Variants in ME3 observed in about 807,000 individuals in gnomAD.
ME3 encodes the protein NADP-dependent malic enzyme, mitochondrial.
In ME3, 48 loss-of-function variants were observed where a neutral mutation model predicts 68.9. The ratio of observed to expected loss-of-function variants is 0.70; its 90% CI spans 0.55 to 0.89. The LOEUF (loss-of-function observed/expected upper bound fraction) is 0.89, where lower values mean the gene tolerates loss of function less well. Ranked by LOEUF, ME3 falls within the 40% of genes least tolerant of loss-of-function variation. ME3 has a pLI of 0.00. For missense variants in ME3, 675 were observed against 797.4 expected, an observed-to-expected ratio of 0.85 and a Z score of 1.85; for synonymous variants, 320 against 318.8, an observed-to-expected ratio of 1.00 and a Z score of -0.04.
At chr11:86,545,122 A>AC (rs145471989) in intron 4 of ME3, among the ~76,000 whole-genome samples, 49,797 of 151,406 alleles carry the variant, frequency 0.33, 8,395 homozygotes, top group African/African-American at 0.42. Flanking sequence ...AAAATTCAAC[A>AC]CCCTTCATGC....
At chr11:86,563,762 T>C (rs1490644767) in intron 2 of ME3, among the ~76,000 whole-genome samples, 1 of 152,258 alleles carries the variant, frequency 6.6e-6, no homozygotes, top group East Asian at 1.9e-4. Flanking sequence ...TGGTTATAGG[T>C]GTGTGGCTTT....
intron 5 of ME3, among the ~76,000 whole-genome samples, chr11:86,500,536 T>C (rs979628957): frequency 6.6e-6 from 1 of 152,254 alleles, no homozygotes; most frequent in Admixed American, 6.5e-5. Context: ...GTCAGATTCA[T>C]TGTGTCAAAA....
intron 2 of ME3, among the ~76,000 whole-genome samples, chr11:86,600,854 T>A (rs1455504339): frequency 6.6e-6 from 1 of 151,748 alleles, no homozygotes; most frequent in Admixed American, 6.6e-5. Context: ...GAATGACTAC[T>A]GGGTACACAA....
intron 2 of ME3, among the ~76,000 whole-genome samples, chr11:86,668,559 G>A (rs1409811573): frequency 6.6e-6 from 1 of 152,132 alleles, no homozygotes; most frequent in Non-Finnish European, 1.5e-5. Context: ...TTTACCACAT[G>A]GGGGCTGTCT....
At chr11:86,651,707 C>T (rs1288091534) in intron 2 of ME3, among the ~76,000 whole-genome samples, 1 of 152,262 alleles carries the variant, frequency 6.6e-6, no homozygotes, top group African/African-American at 2.4e-5. Flanking sequence ...TTCAAAGGAA[C>T]ACAGCTCCTC....
intron 2 of ME3, among the ~76,000 whole-genome samples, chr11:86,605,530 G>A (rs1454121890): frequency 1.3e-5 from 2 of 152,148 alleles, no homozygotes; most frequent in Non-Finnish European, 2.9e-5. Flanking sequence ...CAGTCTGTTT[G>A]GACATTAGCT....
intron 2 of ME3, among the ~76,000 whole-genome samples, chr11:86,580,080 C>T (rs1958350585): frequency 6.6e-6 from 1 of 152,162 alleles, no homozygotes; most frequent in Admixed American, 6.5e-5. Context: ...AATATTTTCT[C>T]ATTTCATAAA....
chr11:86,501,286 G>A (rs1462429833), intron 5 of ME3, among the ~76,000 whole-genome samples: 4 of 151,952 alleles, frequency 2.6e-5, no homozygotes, highest in African/African-American at 7.3e-5. Flanking sequence ...TGAATAAATG[G>A]TTGCTGCTCT....
exon 13 of ME3, chr11:86,446,359 G>A (rs577558044): frequency 3.8e-5 from 61 of 1,614,174 alleles, no homozygotes; most frequent in South Asian, 3.6e-4. Flanking sequence ...GCCGGATCCC[G>A]CCGGCGATGA....
intron 7 of ME3, among the ~76,000 whole-genome samples, chr11:86,469,850 GTTT>G (rs113560700): frequency 1.4e-5 from 2 of 143,370 alleles, no homozygotes; most frequent in East Asian, 4.1e-4. Context: ...GTTTGATTTT[GTTT>G]TTTTTTTTTT....
At chr11:86,521,256 G>A (rs1055148381) in intron 4 of ME3, among the ~76,000 whole-genome samples, 26 of 151,996 alleles carry the variant, frequency 1.7e-4, no homozygotes, top group African/African-American at 5.1e-4. Flanking sequence ...TTAGCCGGGC[G>A]TGATGGCGGG....
chr11:86,657,685 C>T (rs1274112747), intron 2 of ME3, among the ~76,000 whole-genome samples: 1 of 152,050 alleles, frequency 6.6e-6, no homozygotes, highest in Admixed American at 6.6e-5. Context: ...TAACTTGTGA[C>T]CAAACTAGAA....
At chr11:86,438,551 A>G (rs1316761100), downstream of ME3, among the ~76,000 whole-genome samples, 3 of 152,226 alleles carry the variant, frequency 2.0e-5, no homozygotes, top group Non-Finnish European at 2.9e-5. Context: ...AATTGGTGTT[A>G]TTACTTAAGT....
intron 2 of ME3, among the ~76,000 whole-genome samples, chr11:86,612,340 C>G (rs1042733821): frequency 3.9e-5 from 6 of 152,124 alleles, no homozygotes; most frequent in African/African-American, 1.2e-4. Context: ...GGTTCTATGT[C>G]TTTGCTATTG....
At chr11:86,576,421 C>T (rs2139582379) in intron 2 of ME3, among the ~76,000 whole-genome samples, 1 of 152,306 alleles carries the variant, frequency 6.6e-6, no homozygotes, top group Non-Finnish European at 1.5e-5. Flanking sequence ...ATCCCCAGCA[C>T]CCAGCCTCTC....
chr11:86,448,730 T>G (rs1483751358), intron 10 of ME3, among the ~76,000 whole-genome samples: 1 of 152,200 alleles, frequency 6.6e-6, no homozygotes, highest in African/African-American at 2.4e-5. Context: ...CAGGAAGGTC[T>G]TAGAATGACA....
At chr11:86,462,820 T>A (rs1950289721) in intron 8 of ME3, 1 of 394,500 alleles carries the variant, frequency 2.5e-6, no homozygotes, top group African/African-American at 2.1e-5. Context: ...GGCACCCAAA[T>A]CAGACTGAGG....
intron 7 of ME3, among the ~76,000 whole-genome samples, chr11:86,484,897 G>A (rs1393725930): frequency 6.6e-6 from 1 of 152,088 alleles, no homozygotes; most frequent in East Asian, 1.9e-4. Context: ...GCATAAAATG[G>A]GAATAATAAT....
chr11:86,488,869 G>C (rs542269384), intron 6 of ME3, among the ~76,000 whole-genome samples: 2 of 152,270 alleles, frequency 1.3e-5, no homozygotes, highest in South Asian at 4.1e-4. Flanking sequence ...ACAAAGTGTG[G>C]CACATGGAGG....
Sources: allele counts gnomAD v4.1 joint callset (sites outside exome capture counted in the v4.1 genomes callset), GRCh38; gene constraint gnomAD v4.1.1; transcripts MANE v1.5; gene names NCBI Gene and HGNC (gene_info 2026-07-23, HGNC 2026-07-21).